COBL: variants seen among roughly 807,000 people sequenced by gnomAD.
COBL encodes the protein protein cordon-bleu.
COBL carries 51 observed loss-of-function variants against 98.8 expected under a neutral mutation model. That is an observed-to-expected ratio of 0.52 (90% CI 0.41 to 0.65). COBL has a LOEUF of 0.65. COBL is among the 30% of genes least tolerant of loss of function. COBL has a pLI of 0.00. For synonymous variants in COBL, 634 were observed against 651.7 expected (o/e 0.97, Z 0.41); for missense variants, 1,617 against 1,617.5 (o/e 1.00, Z 0.01).
intron 7 of COBL, among the ~76,000 whole-genome samples, chr7:51,044,915 A>T (rs1460991666): frequency 1.3e-5 from 2 of 152,368 alleles, no homozygotes; most frequent in Non-Finnish European, 1.5e-5. Context: ...AAAGAACAAC[A>T]GTTTAAAGAA....
At chr7:51,069,468 T>C (rs569975240) in intron 7 of COBL, among the ~76,000 whole-genome samples, 104 of 152,384 alleles carry the variant, frequency 6.8e-4, no homozygotes, top group African/African-American at 2.3e-3. Context: ...CCGCAGTGCA[T>C]GGCAAGTGCC....
At chr7:51,311,923 A>T (rs1803089283) in intron 1 of COBL, among the ~76,000 whole-genome samples, 1 of 152,102 alleles carries the variant, frequency 6.6e-6, no homozygotes, top group Non-Finnish European at 1.5e-5. Flanking sequence ...GTATAAGGTA[A>T]CTGAAAAAAA....
chr7:51,264,556 A>G (rs965732722), intron 1 of COBL, among the ~76,000 whole-genome samples: 6 of 151,418 alleles, frequency 4.0e-5, no homozygotes, highest in African/African-American at 1.5e-4. Context: ...CTGTAATCCC[A>G]GCTACTCGGG....
At chr7:51,161,567 C>T (rs992607272) in intron 5 of COBL, among the ~76,000 whole-genome samples, 2 of 152,172 alleles carry the variant, frequency 1.3e-5, no homozygotes, top group African/African-American at 4.8e-5. Context: ...GACACTATTT[C>T]TGTCACTGCC....
At chr7:51,241,413 A>G (rs1193245180) in intron 1 of COBL, among the ~76,000 whole-genome samples, 2 of 152,154 alleles carry the variant, frequency 1.3e-5, no homozygotes. Flanking sequence ...ATATCTCCCC[A>G]CAGGCACTCA....
At chr7:51,038,435 G>A (rs918738633) in intron 8 of COBL, among the ~76,000 whole-genome samples, 3 of 152,204 alleles carry the variant, frequency 2.0e-5, no homozygotes, top group Admixed American at 1.3e-4. Flanking sequence ...AGGAAATGGT[G>A]TTTGCCTCCA....
intron 2 of COBL, among the ~76,000 whole-genome samples, chr7:51,204,834 CCACCACA>C (rs1791516917): frequency 2.0e-5 from 3 of 151,954 alleles, no homozygotes; most frequent in Non-Finnish European, 4.4e-5. Flanking sequence ...CAGGTGTGAG[CCACCACA>C]CCCAGCCAAA....
rs554213660 is a variant in COBL at position 51,110,476 on chromosome 7, T to C, written c.958-25172A>G. On this transcript the variant is annotated intron_variant, in intron 6 of 12. Coordinates refer to ENST00000265136, the MANE Select transcript of COBL (RefSeq NM_015198.5). ...TTTATAGCAGAATAGTACTCTATTG[T>C]GTATATATACCACATCTTCTCTAAC... 5.3e-4 allele frequency among the ~76,000 whole-genome samples: 81 copies of C among 152,378 alleles called. 1 individual carries two copies. Among genetic ancestry groups the C allele is most frequent in the African/African-American group, 1.8e-3 (75 of 41,590 alleles).
intron 4 of COBL, among the ~76,000 whole-genome samples, chr7:51,188,505 T>A (rs1789762172): frequency 6.6e-6 from 1 of 152,204 alleles, no homozygotes; most frequent in South Asian, 2.1e-4. Context: ...ACAGCTGGCA[T>A]GGCACAGGCA....
chr7:51,127,460 C>A (rs889429155), intron 6 of COBL, among the ~76,000 whole-genome samples: 3 of 152,164 alleles, frequency 2.0e-5, no homozygotes, highest in East Asian at 1.9e-4. Context: ...CAGGGACAGA[C>A]GCAACTGGGG....
intron 6 of COBL, among the ~76,000 whole-genome samples, chr7:51,132,996 G>C (rs1798895593): frequency 6.6e-6 from 1 of 152,144 alleles, no homozygotes; most frequent in African/African-American, 2.4e-5. Flanking sequence ...TTCAACATGA[G>C]ATTTGGAGGG....
intron 1 of COBL, among the ~76,000 whole-genome samples, chr7:51,268,108 G>C (rs60469658): frequency 7.9e-5 from 12 of 152,090 alleles, no homozygotes; most frequent in African/African-American, 2.9e-4. Flanking sequence ...TGTCCGCTGC[G>C]GGTGTCCTCA....
intron 5 of COBL, among the ~76,000 whole-genome samples, chr7:51,182,285 CT>C (rs59385484): frequency 0.68 from 97,928 of 143,080 alleles, 33,725 homozygotes; most frequent in East Asian, 0.81. Flanking sequence ...TTCTGATTCT[CT>C]TTTTTTTTTT....
chr7:51,091,947 T>C (rs555072745), intron 6 of COBL, among the ~76,000 whole-genome samples: 2 of 152,248 alleles, frequency 1.3e-5, no homozygotes, highest in South Asian at 2.1e-4. Flanking sequence ...CAACCAAGAA[T>C]AGTTTATCTC....
chr7:51,287,452 G>C (rs1014197171), intron 1 of COBL, among the ~76,000 whole-genome samples: 44 of 152,266 alleles, frequency 2.9e-4, no homozygotes, highest in African/African-American at 1.1e-3. Flanking sequence ...TATAAGAATA[G>C]CTAAAATGAA....
chr7:51,289,350 C>T (rs1800679556), intron 1 of COBL, among the ~76,000 whole-genome samples: 1 of 152,228 alleles, frequency 6.6e-6, no homozygotes, highest in Non-Finnish European at 1.5e-5. Context: ...ACAGACCTCA[C>T]TGCCCTCCTG....
At chr7:51,085,070 T>C (rs748614216) in intron 7 of COBL, 96 bp downstream of exon 7, 19 of 1,573,948 alleles carry the variant, frequency 1.2e-5, no homozygotes, top group Non-Finnish European at 1.6e-5. Flanking sequence ...TTAATGTCAT[T>C]ATGGATGAGG....
At chr7:51,096,025 A>G (rs147520836) in intron 6 of COBL, among the ~76,000 whole-genome samples, 8 of 152,268 alleles carry the variant, frequency 5.3e-5, no homozygotes, top group African/African-American at 1.9e-4. Context: ...AACAATATAG[A>G]CCAATGGGAT....
At chr7:51,210,152 C>T (rs1433243314) in intron 2 of COBL, among the ~76,000 whole-genome samples, 3 of 152,182 alleles carry the variant, frequency 2.0e-5, no homozygotes, top group Non-Finnish European at 4.4e-5. Context: ...TGGGCCTTTA[C>T]ACCCCTGCCC....
Sources: allele counts gnomAD v4.1 joint callset (sites outside exome capture counted in the v4.1 genomes callset), GRCh38; gene constraint gnomAD v4.1.1; transcripts MANE v1.5; gene names NCBI Gene and HGNC (gene_info 2026-07-23, HGNC 2026-07-21).